The following ASXL2 variants were observed in gnomAD, a reference collection of about 807,000 sequenced individuals.
ASXL2 encodes the protein ASXL transcriptional regulator 2.
In ASXL2, 23 loss-of-function variants were observed where a neutral mutation model predicts 122.0. The ratio of observed to expected loss-of-function variants is 0.19; its 90% CI spans 0.14 to 0.27. The LOEUF is 0.27. Among genes scored for constraint, ASXL2 ranks in the 10% least tolerant of loss-of-function variants. ASXL2 has a pLI of 1.00. For missense variants in ASXL2, 1,518 were observed against 1,713.8 expected (o/e 0.89, Z 2.02); for synonymous variants, 650 against 637.0 (o/e 1.02, Z -0.31).
chr2:25,767,866 T>TA, intron 7 of ASXL2, 140 bp from the exon 8 acceptor site: 1 of 983,530 alleles, frequency 1.0e-6, no homozygotes, highest in South Asian at 1.8e-5. Context: ...GTTTGAAAAT[T>TA]AAAGTCAAAG....
intron 3 of ASXL2, among the ~76,000 whole-genome samples, chr2:25,827,800 G>A (rs2089395974): frequency 6.6e-6 from 1 of 152,066 alleles, no homozygotes; most frequent in South Asian, 2.1e-4. Flanking sequence ...AGAGGTTCTA[G>A]GTCAACAGAG....
At chr2:25,869,606 T>C (rs2089944438) in intron 1 of ASXL2, among the ~76,000 whole-genome samples, 1 of 151,838 alleles carries the variant, frequency 6.6e-6, no homozygotes. Flanking sequence ...TGGATCACCT[T>C]AGGTCAGGAG....
At chr2:25,781,488 T>G (rs1005447349) in intron 5 of ASXL2, among the ~76,000 whole-genome samples, 1 of 152,182 alleles carries the variant, frequency 6.6e-6, no homozygotes, top group African/African-American at 2.4e-5. Context: ...TCATTATTAT[T>G]TATGTACATG....
At chr2:25,762,021 A>T (rs999924608) in intron 8 of ASXL2, among the ~76,000 whole-genome samples, 1 of 152,108 alleles carries the variant, frequency 6.6e-6, no homozygotes, top group African/African-American at 2.4e-5. Context: ...CTGATTTGTG[A>T]GGTTAAAAAC....
intron 3 of ASXL2, among the ~76,000 whole-genome samples, chr2:25,833,624 A>T (rs1317151234): frequency 6.6e-6 from 1 of 152,062 alleles, no homozygotes; most frequent in Non-Finnish European, 1.5e-5. Flanking sequence ...TGAACTCAGG[A>T]GGCAGAGGTT....
rs61348346 is a variant in ASXL2 at position 25,842,703 on chromosome 2, TATAGATAG to T, written c.140+2770_140+2777del. ...TTCTTCAAGTGTGTGTATATATATA[TATAGATAG>T]ATAGATAGATAGATGTATATATCTA... is the stretch of plus-strand genomic sequence containing the variant. On this transcript the variant is annotated intron_variant, in intron 2 of 12. Coordinates refer to ENST00000435504, the MANE Select transcript of ASXL2 (RefSeq NM_018263.6). Among the ~76,000 whole-genome samples the T allele has an allele frequency of 4.1e-4, 62 of 150,268 alleles. 1 individual carries two copies. Among genetic ancestry groups the T allele is most frequent in the African/African-American group, 1.5e-3 (60 of 40,986 alleles).
intron 1 of ASXL2, among the ~76,000 whole-genome samples, chr2:25,864,567 A>G (rs1010934961): frequency 6.6e-6 from 1 of 152,098 alleles, no homozygotes; most frequent in Non-Finnish European, 1.5e-5. Context: ...AAGGAAGAAC[A>G]TGTTTTGAAA....
chr2:25,762,312 C>G (rs1420882509), intron 8 of ASXL2, among the ~76,000 whole-genome samples: 2 of 88,564 alleles, frequency 2.3e-5, no homozygotes, highest in East Asian at 2.1e-4. Flanking sequence ...TATGAACACA[C>G]CAAAAAAAAA....
At chr2:25,869,557 C>T (rs2089943928) in intron 1 of ASXL2, among the ~76,000 whole-genome samples, 1 of 152,126 alleles carries the variant, frequency 6.6e-6, no homozygotes, top group South Asian at 2.1e-4. Context: ...TGCAGTGGCT[C>T]ATGCCTGTAA....
rs763632879 is a variant in ASXL2, at chr2:25,753,646, T to A, written c.1037-7A>T. 6.3e-7 allele frequency: 1 copy of A among 1,595,610 alleles called. No homozygotes were observed. Among genetic ancestry groups the A allele is most frequent in the South Asian group, 1.1e-5 (1 of 88,616 alleles). On this transcript the variant is annotated splice_polypyrimidine_tract_variant and splice_region_variant and intron_variant, in intron 10 of 12. Transcript: ENST00000435504. ...ATCTCAGGTGTAAACTCACCTGCAA[T>A]GTACCCAAAAAAGGATATTCAATAG... is the stretch of plus-strand genomic sequence containing the variant.
intron 3 of ASXL2, among the ~76,000 whole-genome samples, chr2:25,832,018 T>G (rs1476387707): frequency 6.6e-6 from 1 of 152,122 alleles, no homozygotes; most frequent in African/African-American, 2.4e-5. Context: ...TAAGTAAAAC[T>G]AAAAGTAGTT....
chr2:25,790,442 G>A (rs189782814), intron 5 of ASXL2, among the ~76,000 whole-genome samples: 28 of 150,552 alleles, frequency 1.9e-4, no homozygotes, highest in Admixed American at 1.8e-3. Context: ...ATAAAAAAAG[G>A]AAAAAAATTA....
intron 9 of ASXL2, among the ~76,000 whole-genome samples, chr2:25,756,514 T>C (rs1404783541): frequency 6.6e-6 from 1 of 150,958 alleles, no homozygotes; most frequent in Non-Finnish European, 1.5e-5. Flanking sequence ...AATCTAAATG[T>C]AAATTTTAAG....
chr2:25,759,376 A>C, intron 9 of ASXL2, 106 bp downstream of exon 9: 1 of 1,239,362 alleles, frequency 8.1e-7, no homozygotes, highest in Non-Finnish European at 1.1e-6. Context: ...GCCTATTAAG[A>C]AACTTATGTA....
Position 25,878,073 on chromosome 2 carries a change from G to A in ASXL2, c.57+93C>T, listed in dbSNP as rs557495698. ...CGCGGTTTTGTGCCCCTTCAGCCGG[G>A]TCCCTGGGCCAGTGACCTCCCTTTC... is the stretch of plus-strand genomic sequence containing the variant. On this transcript the variant is annotated intron_variant, in intron 1 of 12. Coordinates refer to ENST00000435504, the MANE Select transcript of ASXL2 (RefSeq NM_018263.6). 2.8e-5 allele frequency: 42 copies of A among 1,522,662 alleles called. No individual in the cohort carries two copies. The African/African-American group carries it at 4.0e-4, about 14-fold the overall frequency. The allele number at this position is 1,522,662 out of a possible 1,614,324, so 94.3% of individuals were successfully genotyped here.
intron 5 of ASXL2, 27 bp from the exon 6 acceptor site, chr2:25,771,567 G>A: frequency 6.3e-7 from 1 of 1,575,104 alleles, no homozygotes; most frequent in Non-Finnish European, 8.7e-7. Flanking sequence ...GACAATAAAA[G>A]ATTTTTGTTA....
chr2:25,801,521 A>G (rs181245009), intron 4 of ASXL2, among the ~76,000 whole-genome samples: 3 of 152,130 alleles, frequency 2.0e-5, no homozygotes, highest in Non-Finnish European at 2.9e-5. Flanking sequence ...ATATTTTTCT[A>G]TTATTTCCTT....
rs1036650233 is a variant in ASXL2, at chr2:25,740,003, A to G, written c.*2026T>C. 2 of 223,684 alleles carry G rather than the reference A, an allele frequency of 8.9e-6. No individual in the cohort carries two copies. Among genetic ancestry groups the G allele is most frequent in the Non-Finnish European group, 1.8e-5 (2 of 111,954 alleles). The allele number at this position is 223,684 out of a possible 1,614,324, so 13.9% of individuals were successfully genotyped here. A position where few individuals can be genotyped will look rare whatever the true frequency, so the allele number is the denominator to read the frequency against. On this transcript the variant is annotated 3_prime_UTR_variant, in exon 13 of 13. Coordinates refer to ENST00000435504, the MANE Select transcript of ASXL2 (RefSeq NM_018263.6). ...AAGGTACTGAATATTTGGGAGCACC[A>G]TTATTTCTGTTTTCTACTGGTTCTT...
In ASXL2 at chr2:25,791,330, T is replaced by C. The variant is rs185969717; in HGVS notation, c.403+8055A>G. On this transcript the variant is annotated intron_variant, in intron 5 of 12. Coordinates refer to ENST00000435504, the MANE Select transcript of ASXL2 (RefSeq NM_018263.6). Reference sequence around the variant, plus strand: ...GGCAAAACCCCGTCTCTACTAAAAATATAAAAATTAGCCAGGTGTGGTGGC... The same window carrying C: ...GGCAAAACCCCGTCTCTACTAAAAACATAAAAATTAGCCAGGTGTGGTGGC... 3.9e-5 allele frequency among the ~76,000 whole-genome samples: 6 copies of C among 151,902 alleles called. No individual in the cohort carries two copies. In the East Asian group the frequency reaches 1.2e-3, roughly 30 times the overall value.
Sources: gnomAD v4.1 joint callset for allele counts (sites outside exome capture counted in the v4.1 genomes callset) on GRCh38, gnomAD v4.1.1 for gene constraint, MANE v1.5 for transcripts, NCBI Gene and HGNC (gene_info 2026-07-23, HGNC 2026-07-21) for gene names.